Variants in DBI observed in about 807,000 individuals in gnomAD.
DBI encodes diazepam binding inhibitor, acyl-CoA binding protein, also known as acyl-CoA-binding protein.
In DBI, 12 loss-of-function variants were observed where a neutral mutation model predicts 13.0. That is an observed-to-expected ratio of 0.92 (90% CI 0.59 to 1.49). The LOEUF (loss-of-function observed/expected upper bound fraction) is 1.49. Ranked by LOEUF, DBI falls within the 40% of genes most tolerant of loss-of-function variation. The pLI is 0.00. For synonymous variants in DBI, 37 were observed against 37.4 expected (o/e 0.99, Z 0.04); for missense variants, 95 against 104.8 (o/e 0.91, Z 0.41).
intron 1 of DBI, chr2:119,367,504 G>A: frequency 6.2e-7 from 1 of 1,601,574 alleles, no homozygotes; most frequent in Middle Eastern, 1.7e-4. Flanking sequence ...AGTGCGGGAC[G>A]AGGAGAATCG....
intron 1 of DBI, chr2:119,367,276 A>C (rs1681079547): frequency 7.0e-7 from 1 of 1,437,322 alleles, no homozygotes; most frequent in African/African-American, 1.4e-5. Flanking sequence ...ACTGCCGGAA[A>C]GTTGCCCATG....
In DBI at chr2:119,370,806, A is replaced by C. The variant is rs1000952345; in HGVS notation, c.190+4A>C. 1.2e-6 allele frequency: 2 copies of C among 1,612,988 alleles called. No individual in the cohort carries two copies. Among genetic ancestry groups the C allele is most frequent in the Non-Finnish European group, 8.5e-7 (1 of 1,179,134 alleles). On this transcript the variant is annotated splice_donor_region_variant and intron_variant, in intron 3 of 3. Transcript: ENST00000355857. ...GATGCCTGGAATGAGCTGAAAGGTA[A>C]TTGTTCTAATCAATTTCTCTCATTT... is the stretch of plus-strand genomic sequence containing the variant.
At position 119,368,223 on chromosome 2, in the gene DBI, C is replaced by T. The variant is rs1003509511; in HGVS notation, c.45C>T (p.His15=). Residue 15 remains histidine (H), a synonymous_variant, in exon 2 of 4, where the codon CAC becomes CAT. Coordinates refer to ENST00000355857, the MANE Select transcript of DBI (RefSeq NM_001079862.4). The part of the protein sequence containing the change: ...EFEKAAEEVR[H]LKTKPSDEEM... The stretch of plus-strand genomic sequence containing the variant: ...AGAAAGCTGCAGAGGAGGTTAGGCA[C>T]CTTAAGACCAAGCCATCGGATGAGG... 4 of 1,613,738 alleles carry T rather than the reference C, an allele frequency of 2.5e-6. No homozygotes were observed. The highest frequency in any genetic ancestry group is 3.4e-6 in the Non-Finnish European group (4 of 1,180,030).
chr2:119,368,329 G>C lies in DBI; in HGVS notation c.127+24G>C, dbSNP rs760996749. The C allele has an allele frequency of 4.3e-5, 68 of 1,568,078 alleles. 2 individuals carry two copies. In the South Asian group the frequency reaches 7.3e-4, roughly 17 times the overall value. ...AGGTATGCAGAGCGGGGGTTGGAAG[G>C]GCATCTGCTCATCAAAGCAGGCTCA... On this transcript the variant is annotated intron_variant, in intron 2 of 3. Transcript: ENST00000355857.
At chr2:119,368,029 A>G in intron 1 of DBI, 159 bp from the exon 2 acceptor site, 1 of 1,577,056 alleles carries the variant, frequency 6.3e-7, no homozygotes, top group East Asian at 2.2e-5. Context: ...CTGTTGGGGC[A>G]GGGAGGGGCA....
intron 1 of DBI, chr2:119,367,721 C>T (rs982763271): frequency 1.2e-6 from 2 of 1,609,492 alleles, no homozygotes; most frequent in African/African-American, 2.7e-5. Flanking sequence ...GGCACTCATG[C>T]CCTGTCCCCT....
In DBI at chr2:119,367,621, GC is replaced by G. The variant is rs537186167; in HGVS notation, c.9+563del. The G allele has an allele frequency of 9.0e-4, 1,446 of 1,614,124 alleles. 14 individuals are homozygous for G. The African/African-American group carries it at 0.016, about 18-fold the overall frequency. ...CCTCTGGCTCCTCCCGCCTGCCTCT[GC>G]CAATCCGGGCACTGGGACAGAGGTC... On this transcript the variant is annotated intron_variant, in intron 1 of 3. Transcript: ENST00000355857.
At chr2:119,367,356 G>T (rs886080098) in intron 1 of DBI, 1 of 1,448,750 alleles carries the variant, frequency 6.9e-7, no homozygotes. Flanking sequence ...TGGGGGAAGG[G>T]GTTGCACGGA....
intron 1 of DBI, chr2:119,367,945 A>G (rs763061357): frequency 6.2e-7 from 1 of 1,614,128 alleles, no homozygotes; most frequent in East Asian, 2.2e-5. Flanking sequence ...AGAGCTCTGG[A>G]TATATGGTTT....
At chr2:119,367,101 C>T (rs781272982) in intron 1 of DBI, 41 bp downstream of exon 1, 3 of 1,612,230 alleles carry the variant, frequency 1.9e-6, no homozygotes, top group African/African-American at 1.3e-5. Flanking sequence ...GTGCAGCGGG[C>T]GGGAGGCCCG....
Position 119,366,979 on chromosome 2 carries a change from T to A in DBI, c.-73T>A. The A allele has an allele frequency of 6.2e-7, 1 of 1,602,696 alleles. No individual in the cohort carries two copies. The highest frequency in any genetic ancestry group is 1.1e-5 in the South Asian group (1 of 90,490). On this transcript the variant is annotated 5_prime_UTR_variant, in exon 1 of 4. Transcript: ENST00000355857. ...CCGCGCCTCTAAAGGCGCTTGCCAGTGCAATCTGGGCGATCGCTTCCTGGT... is the reference window on the plus strand; with the variant it reads ...CCGCGCCTCTAAAGGCGCTTGCCAGAGCAATCTGGGCGATCGCTTCCTGGT...
chr2:119,370,744 G>A lies in DBI; in HGVS notation c.132G>A (p.Arg44=), dbSNP rs762316950. Residue 44 remains arginine, a synonymous_variant, in exon 3 of 4, where the codon CGG becomes CGA. Coordinates refer to ENST00000355857, the MANE Select transcript of DBI (RefSeq NM_001079862.4). ...CCTTTTCTTCCCTTGTTTAAGAACG[G>A]CCCGGGATGTTGGACTTCACGGGCA... ...QATVGDINTE[R]PGMLDFTGKA... 3 of 1,613,940 alleles carry A rather than the reference G, an allele frequency of 1.9e-6. No homozygotes were observed. The highest frequency in any genetic ancestry group is 1.3e-5 in the African/African-American group (1 of 75,032).
chr2:119,367,498 C>A, intron 1 of DBI: 2 of 1,598,970 alleles, frequency 1.3e-6, no homozygotes, highest in Non-Finnish European at 1.7e-6. Flanking sequence ...GCTCAGAGTG[C>A]GGGACGAGGA....
At chr2:119,367,355 G>C in intron 1 of DBI, 1 of 1,447,984 alleles carries the variant, frequency 6.9e-7, no homozygotes, top group Non-Finnish European at 9.1e-7. Flanking sequence ...ATGGGGGAAG[G>C]GGTTGCACGG....
rs1681596201 is a variant in DBI, at chr2:119,372,471, G to A, written c.*153G>A. On this transcript the variant is annotated 3_prime_UTR_variant, in exon 4 of 4. Transcript: ENST00000355857. Reference sequence around the variant, plus strand: ...ACCATACGGCTCTAACAGATTAGGGGCTAAAACGATTACTGACTTTCCTTG... The same window carrying A: ...ACCATACGGCTCTAACAGATTAGGGACTAAAACGATTACTGACTTTCCTTG... 1.8e-6 allele frequency: 1 copy of A among 551,374 alleles called. No homozygotes were observed. Among genetic ancestry groups the A allele is most frequent in the Admixed American group, 3.2e-5 (1 of 31,256 alleles). 34.2% of individuals were successfully genotyped at this position (551,374 alleles called of 1,614,324 possible). A position where few individuals can be genotyped will look rare whatever the true frequency, so the allele number is the denominator to read the frequency against.
Position 119,372,397 on chromosome 2 carries a change from G to C in DBI, c.*79G>C. On this transcript the variant is annotated 3_prime_UTR_variant, in exon 4 of 4. Coordinates refer to ENST00000355857, the MANE Select transcript of DBI (RefSeq NM_001079862.4). The stretch of plus-strand genomic sequence containing the variant: ...TTGTTTTTTTCTAATACCGTGGATG[G>C]TGGGAATTCGGGAAAATAACCAGTT... The C allele has an allele frequency of 8.7e-7, 1 of 1,148,978 alleles. No individual in the cohort carries two copies. The highest frequency in any genetic ancestry group is 2.4e-5 in the East Asian group (1 of 41,798). 71.2% of individuals were successfully genotyped at this position (1,148,978 alleles called of 1,614,324 possible).
At chr2:119,370,229 C>T (rs1468201806) in intron 2 of DBI, 1 of 152,234 alleles carries the variant, frequency 6.6e-6, no homozygotes, top group African/African-American at 2.4e-5. Flanking sequence ...AAACCTTACC[C>T]TCGGTGAAAT....
At chr2:119,368,380 A>T in intron 2 of DBI, 75 bp downstream of exon 2, 1 of 1,102,450 alleles carries the variant, frequency 9.1e-7, no homozygotes, top group South Asian at 1.3e-5. Flanking sequence ...AGTCCCTGGG[A>T]ACTTCACTCT....
In DBI at chr2:119,368,303, C is replaced by G. The variant is rs1004781084; in HGVS notation, c.125C>G (p.Thr42Arg). 10 of 1,609,878 alleles carry G rather than the reference C, an allele frequency of 6.2e-6. No homozygotes were observed. Among genetic ancestry groups the G allele is most frequent in the Non-Finnish European group, 6.0e-6 (7 of 1,176,234 alleles). ...YKQATVGDIN[T>R]ERPGMLDFTG... ...CAAGCAACTGTGGGCGACATAAATACAGGTATGCAGAGCGGGGGTTGGAAG... is the reference window on the plus strand; with the variant it reads ...CAAGCAACTGTGGGCGACATAAATAGAGGTATGCAGAGCGGGGGTTGGAAG... The change falls in exon 2 of 4, where the codon ACA becomes AGA. Residue 42 changes from threonine (T) to arginine (R), a missense_variant and splice_region_variant. Transcript: ENST00000355857.
Sources: allele counts gnomAD v4.1 joint callset, GRCh38; gene constraint gnomAD v4.1.1; transcripts MANE v1.5; gene names NCBI Gene and HGNC (gene_info 2026-07-23, HGNC 2026-07-21).